CUX1: variants seen among roughly 807,000 people sequenced by gnomAD.
CUX1 encodes the protein protein CASP.
In CUX1, 31 loss-of-function variants were observed where a neutral mutation model predicts 158.8. The observed-to-expected ratio is 0.20, with a 90% CI of 0.15 to 0.26. CUX1 has a LOEUF of 0.26. Ranked by LOEUF, CUX1 falls within the 10% of genes least tolerant of loss-of-function variation. The pLI, the probability that CUX1 is intolerant of heterozygous loss-of-function variation, is 1.00. For missense variants in CUX1, 1,589 were observed against 2,014.6 expected (o/e 0.79, Z 4.04); for synonymous variants, 879 against 862.1 (o/e 1.02, Z -0.34).
At chr7:102,114,228 C>T (rs1437046149) in intron 7 of CUX1, among the ~76,000 whole-genome samples, 2 of 152,150 alleles carry the variant, frequency 1.3e-5, no homozygotes, top group Non-Finnish European at 1.5e-5. Context: ...TATATACATG[C>T]AATTATGTAT....
chr7:102,091,497 A>G (rs555822699), intron 4 of CUX1, among the ~76,000 whole-genome samples: 2 of 151,466 alleles, frequency 1.3e-5, no homozygotes, highest in East Asian at 3.9e-4. Context: ...ATGCCCAGCT[A>G]ATTTTTTATC....
chr7:102,146,185 G>A (rs1423303277), intron 8 of CUX1, among the ~76,000 whole-genome samples: 1 of 152,172 alleles, frequency 6.6e-6, no homozygotes, highest in African/African-American at 2.4e-5. Flanking sequence ...GCTCATCCCT[G>A]GAGGCACTGT....
intron 4 of CUX1, among the ~76,000 whole-genome samples, chr7:102,084,324 A>G (rs1827739413): frequency 6.7e-6 from 1 of 149,170 alleles, no homozygotes; most frequent in African/African-American, 2.4e-5. Flanking sequence ...TTTATATAAT[A>G]ATAATATAGG....
At chr7:102,059,251 C>A (rs532164275) in intron 3 of CUX1, among the ~76,000 whole-genome samples, 1 of 152,288 alleles carries the variant, frequency 6.6e-6, no homozygotes, top group East Asian at 1.9e-4. Context: ...CTTGTGCTGT[C>A]CCCTGCCACA....
chr7:102,282,970 C>T, intron 22 of CUX1: 1 of 1,420,658 alleles, frequency 7.0e-7, no homozygotes, highest in Non-Finnish European at 9.9e-7. Context: ...TACACACCCC[C>T]CTTCCCCAAC....
chr7:102,187,853 A>T (rs1410212917), intron 11 of CUX1, among the ~76,000 whole-genome samples: 1 of 152,126 alleles, frequency 6.6e-6, no homozygotes, highest in South Asian at 2.1e-4. Flanking sequence ...GGATGGTGCC[A>T]TCTCCTCCCC....
intron 8 of CUX1, among the ~76,000 whole-genome samples, chr7:102,127,291 C>T (rs2131266862): frequency 6.6e-6 from 1 of 152,330 alleles, no homozygotes; most frequent in South Asian, 2.1e-4. Flanking sequence ...ACTGCAGCCT[C>T]CAACTCCTGG....
intron 2 of CUX1, among the ~76,000 whole-genome samples, chr7:101,945,790 C>T (rs1052389971): frequency 2.0e-5 from 3 of 152,210 alleles, no homozygotes; most frequent in African/African-American, 7.2e-5. Context: ...TGTCCCAAAC[C>T]TCCTGTGCTC....
At chr7:102,030,962 A>G (rs758763747) in intron 3 of CUX1, among the ~76,000 whole-genome samples, 2 of 152,136 alleles carry the variant, frequency 1.3e-5, no homozygotes, top group African/African-American at 4.8e-5. Flanking sequence ...TTGGCTTCCC[A>G]GAGTGCCTTG....
intron 8 of CUX1, among the ~76,000 whole-genome samples, chr7:102,157,304 G>A (rs1429496959): frequency 6.6e-6 from 1 of 151,772 alleles, no homozygotes; most frequent in Non-Finnish European, 1.5e-5. Context: ...TGTAACATTG[G>A]CTCCATGGCC....
At chr7:102,076,747 G>A (rs1352257127) in intron 4 of CUX1, among the ~76,000 whole-genome samples, 8 of 151,870 alleles carry the variant, frequency 5.3e-5, no homozygotes, top group African/African-American at 1.5e-4. Flanking sequence ...AATTGCGACC[G>A]GGTGCAGTGG....
chr7:102,270,423 G>A (rs143725441), intron 14 of CUX1, among the ~76,000 whole-genome samples: 5 of 152,324 alleles, frequency 3.3e-5, no homozygotes, highest in Admixed American at 1.3e-4. Context: ...TTGCTGCTGG[G>A]ATCCAGCTGG....
At chr7:102,059,903 A>G (rs549040359) in intron 3 of CUX1, among the ~76,000 whole-genome samples, 6 of 152,162 alleles carry the variant, frequency 3.9e-5, no homozygotes, top group Non-Finnish European at 8.8e-5. Flanking sequence ...GTTTATTTCT[A>G]AATCATTAGC....
chr7:101,928,528 G>A (rs1361091366), intron 2 of CUX1, among the ~76,000 whole-genome samples: 1 of 150,394 alleles, frequency 6.6e-6, no homozygotes, highest in Non-Finnish European at 1.5e-5. Context: ...CTGCCACCAC[G>A]CCTGGCTAAT....
chr7:101,830,244 C>T (rs1464087843), intron 1 of CUX1, among the ~76,000 whole-genome samples: 1 of 152,178 alleles, frequency 6.6e-6, no homozygotes, highest in African/African-American at 2.4e-5. Flanking sequence ...CTGACATGGT[C>T]GGGGCAGCAC....
chr7:102,080,773 G>A (rs404523), intron 4 of CUX1, among the ~76,000 whole-genome samples: 34,042 of 152,014 alleles, frequency 0.22, 4,547 homozygotes, highest in African/African-American at 0.37. Context: ...TCTCTGCACC[G>A]AGGCTGTTGG....
intron 8 of CUX1, among the ~76,000 whole-genome samples, chr7:102,132,686 T>C (rs1833445137): frequency 6.8e-6 from 1 of 146,436 alleles, no homozygotes; most frequent in Non-Finnish European, 1.5e-5. Flanking sequence ...TTTTCTTTTT[T>C]TTTTTTTTTT....
intron 2 of CUX1, among the ~76,000 whole-genome samples, chr7:101,947,602 T>A (rs1808551796): frequency 6.6e-6 from 1 of 152,128 alleles, no homozygotes; most frequent in Admixed American, 6.5e-5. Flanking sequence ...AATCTCAAAG[T>A]GCACAATACA....
intron 6 of CUX1, among the ~76,000 whole-genome samples, chr7:102,106,670 G>A (rs1459746440): frequency 6.6e-6 from 1 of 152,132 alleles, no homozygotes; most frequent in East Asian, 1.9e-4. Context: ...CAGATTATGA[G>A]TACAAAATAT....
Sources: gnomAD v4.1 joint callset for allele counts (sites outside exome capture counted in the v4.1 genomes callset) on GRCh38, gnomAD v4.1.1 for gene constraint, MANE v1.5 for transcripts, NCBI Gene and HGNC (gene_info 2026-07-23, HGNC 2026-07-21) for gene names.